Variants in PDZRN4 observed in about 807,000 individuals in gnomAD.
The protein encoded by PDZRN4 is PDZ domain-containing RING finger protein 4.
PDZRN4 carries 70 observed loss-of-function variants against 99.0 expected under a neutral mutation model. The observed-to-expected ratio is 0.71, with a 90% CI of 0.58 to 0.86. The LOEUF (loss-of-function observed/expected upper bound fraction) is 0.86. Among genes scored for constraint, PDZRN4 ranks in the 40% least tolerant of loss-of-function variants. PDZRN4 has a pLI of 0.00. For synonymous variants in PDZRN4, 551 were observed against 501.6 expected, an observed-to-expected ratio of 1.10 and a Z score of -1.32; for missense variants, 1,474 against 1,331.2, an observed-to-expected ratio of 1.11 and a Z score of -1.67.
At chr12:41,469,667 C>T (rs1346689654) in intron 3 of PDZRN4, among the ~76,000 whole-genome samples, 1 of 152,196 alleles carries the variant, frequency 6.6e-6, no homozygotes, top group Non-Finnish European at 1.5e-5. Context: ...CAGGGTGGCT[C>T]ACGCCTGTAA....
chr12:41,370,102 C>T (rs1359624347), intron 3 of PDZRN4, among the ~76,000 whole-genome samples: 2 of 151,832 alleles, frequency 1.3e-5, no homozygotes, highest in Non-Finnish European at 2.9e-5. Flanking sequence ...TTAAAATGCC[C>T]CTAAACTAAT....
chr12:41,376,737 G>A (rs960838377), intron 3 of PDZRN4, among the ~76,000 whole-genome samples: 9 of 151,716 alleles, frequency 5.9e-5, no homozygotes, highest in African/African-American at 9.7e-5. Flanking sequence ...GTTTGATATC[G>A]TCCACTTACT....
Position 41,552,705 on chromosome 12 carries a change from T to A in PDZRN4, c.1253T>A (p.Val418Asp). Reference sequence around the variant, plus strand: ...AGTCAAGAGAAGCTGGGCCTGACAGTCTGTTACCGAACAGATGATGAAGAA... The same window carrying A: ...AGTCAAGAGAAGCTGGGCCTGACAGACTGTTACCGAACAGATGATGAAGAA... ...VSSQEKLGLTVCYRTDDEEDT... is the reference protein window; with the variant it reads ...VSSQEKLGLTDCYRTDDEEDT... Residue 418 changes from valine (V) to aspartate (D), a missense_variant, in exon 6 of 10, where the codon GTC becomes GAC. By Grantham distance (152) the Val-to-Asp change is radical. Transcript: ENST00000402685. 1.2e-6 allele frequency: 2 copies of A among 1,613,802 alleles called. No individual in the cohort carries two copies.
At chr12:41,507,919 G>A (rs1029825237) in intron 4 of PDZRN4, among the ~76,000 whole-genome samples, 1 of 151,858 alleles carries the variant, frequency 6.6e-6, no homozygotes, top group African/African-American at 2.4e-5. Context: ...TCTACAAGGG[G>A]AGTTGAACAA....
chr12:41,345,103 C>A (rs1046474024), intron 3 of PDZRN4, among the ~76,000 whole-genome samples: 3 of 152,056 alleles, frequency 2.0e-5, no homozygotes, highest in Admixed American at 1.3e-4. Context: ...TAATCTGTTT[C>A]ATTTTTGTGT....
intron 3 of PDZRN4, among the ~76,000 whole-genome samples, chr12:41,334,522 C>G (rs1022990576): frequency 2.6e-4 from 39 of 152,192 alleles, no homozygotes; most frequent in Non-Finnish European, 8.8e-5. Flanking sequence ...TCCAAATCAG[C>G]TTTCCTGCCA....
At chr12:41,269,660 A>C (rs1951300802) in intron 3 of PDZRN4, among the ~76,000 whole-genome samples, 1 of 152,148 alleles carries the variant, frequency 6.6e-6, no homozygotes, top group Non-Finnish European at 1.5e-5. Context: ...CCATGTTTCT[A>C]ACACAGCCTG....
chr12:41,309,186 A>C (rs1056413076), intron 3 of PDZRN4, among the ~76,000 whole-genome samples: 1 of 152,160 alleles, frequency 6.6e-6, no homozygotes, highest in African/African-American at 2.4e-5. Context: ...TGAAACTTGA[A>C]ATTTCTAAAA....
chr12:41,454,522 C>T (rs74440626), intron 3 of PDZRN4, among the ~76,000 whole-genome samples: 8 of 152,270 alleles, frequency 5.3e-5, no homozygotes, highest in East Asian at 3.9e-4. Flanking sequence ...TATTCCCTTG[C>T]GGGAGATTGA....
At chr12:41,375,338 A>T (rs7967933) in intron 3 of PDZRN4, among the ~76,000 whole-genome samples, 71,751 of 151,742 alleles carry the variant, frequency 0.47, 17,704 homozygotes, top group Middle Eastern at 0.65. Context: ...AAGGATGAGC[A>T]TATACAATTT....
chr12:41,502,058 T>A (rs1938119918), intron 3 of PDZRN4, among the ~76,000 whole-genome samples: 1 of 152,168 alleles, frequency 6.6e-6, no homozygotes. Flanking sequence ...CTCATTGGCA[T>A]CATCCTTTCT....
chr12:41,429,263 C>T (rs1952565236), intron 3 of PDZRN4, among the ~76,000 whole-genome samples: 1 of 152,132 alleles, frequency 6.6e-6, no homozygotes, highest in African/African-American at 2.4e-5. Context: ...AATGACTGCC[C>T]TAATATCAGC....
At chr12:41,449,101 C>T (rs908917637) in intron 3 of PDZRN4, among the ~76,000 whole-genome samples, 1 of 152,008 alleles carries the variant, frequency 6.6e-6, no homozygotes, top group Admixed American at 6.6e-5. Context: ...ACTGTCAAAC[C>T]GACCAACACA....
intron 3 of PDZRN4, among the ~76,000 whole-genome samples, chr12:41,215,355 C>A (rs1326430303): frequency 2.6e-5 from 4 of 151,952 alleles, no homozygotes; most frequent in Non-Finnish European, 5.9e-5. Flanking sequence ...GTTAAAAACG[C>A]AGATTCCAGA....
chr12:41,496,744 T>G (rs1468818044), intron 3 of PDZRN4, among the ~76,000 whole-genome samples: 1 of 152,178 alleles, frequency 6.6e-6, no homozygotes, highest in Non-Finnish European at 1.5e-5. Context: ...AGTGCAATCA[T>G]ATTTGTTTAA....
chr12:41,265,318 T>G (rs1951268963), intron 3 of PDZRN4, among the ~76,000 whole-genome samples: 1 of 152,218 alleles, frequency 6.6e-6, no homozygotes, highest in South Asian at 2.1e-4. Flanking sequence ...CAAGTTATAT[T>G]TCTAAGTTTG....
At chr12:41,329,944 G>C (rs1951732173) in intron 3 of PDZRN4, among the ~76,000 whole-genome samples, 1 of 152,062 alleles carries the variant, frequency 6.6e-6, no homozygotes, top group Non-Finnish European at 1.5e-5. Context: ...ATTCTCTCAT[G>C]ATAGCCACTG....
At chr12:41,201,018 A>G (rs1417838548) in intron 3 of PDZRN4, among the ~76,000 whole-genome samples, 1 of 151,038 alleles carries the variant, frequency 6.6e-6, no homozygotes, top group Admixed American at 6.6e-5. Context: ...CTATAACTCC[A>G]CTTGTTTTCT....
chr12:41,459,707 A>G (rs1952851743), intron 3 of PDZRN4, among the ~76,000 whole-genome samples: 1 of 152,202 alleles, frequency 6.6e-6, no homozygotes, highest in Non-Finnish European at 1.5e-5. Context: ...CTAAATTGTG[A>G]ATGCTTATTA....
Sources: gnomAD v4.1 joint callset for allele counts (sites outside exome capture counted in the v4.1 genomes callset) on GRCh38, gnomAD v4.1.1 for gene constraint, MANE v1.5 for transcripts, NCBI Gene and HGNC (gene_info 2026-07-23, HGNC 2026-07-21) for gene names.